Variants in SLC35H1 observed in about 807,000 individuals in gnomAD.
SLC35H1 encodes solute carrier family 35 member H1, also known as ovarian cancer-overexpressed gene 1 protein.
chr20:46,363,385 T>G, the SLC35H1 span, among the ~76,000 whole-genome samples: 1 of 152,222 alleles, frequency 6.6e-6, no homozygotes, highest in Non-Finnish European at 1.5e-5. Context: ...AACTGCCTAT[T>G]TGGTAGCTGC....
the SLC35H1 span, chr20:46,357,682 C>T: frequency 1.2e-6 from 2 of 1,614,186 alleles, no homozygotes; most frequent in South Asian, 1.1e-5. Flanking sequence ...GGCCCTGTGG[C>T]TGGAGCACTG....
At chr20:46,355,965 A>AAT in the SLC35H1 span, 1 of 1,578,902 alleles carries the variant, frequency 6.3e-7, no homozygotes, top group Non-Finnish European at 8.6e-7. This position sits in a 1 kb window ranked among gnomAD's most constrained non-coding sequence, Gnocchi z 4.8. Context: ...CACTGAGCGA[A>AAT]ATGACCAAAC....
chr20:46,355,303 A>C, the SLC35H1 span: 1 of 1,528,940 alleles, frequency 6.5e-7, no homozygotes, highest in South Asian at 1.2e-5. This position sits in a 1 kb window ranked among gnomAD's most constrained non-coding sequence, Gnocchi z 4.8. Flanking sequence ...GGTTCATCAC[A>C]TTTGGAGCCT....
the SLC35H1 span, chr20:46,348,778 G>C: frequency 6.6e-6 from 1 of 152,240 alleles, no homozygotes; most frequent in East Asian, 1.9e-4. Flanking sequence ...GTAAACTTCA[G>C]CCAGCAAGCT....
chr20:46,352,490 T>C, the SLC35H1 span: 1 of 414,588 alleles, frequency 2.4e-6, no homozygotes, highest in Non-Finnish European at 4.4e-6. Flanking sequence ...ATGCGGATCC[T>C]AGCGGGATGA....
chr20:46,358,361 C>T, the SLC35H1 span: 1 of 1,606,480 alleles, frequency 6.2e-7, no homozygotes, highest in East Asian at 2.2e-5. Flanking sequence ...ATCCCAGCAC[C>T]CCGCCCCAGC....
chr20:46,350,660 A>G, the SLC35H1 span: 2 of 1,437,976 alleles, frequency 1.4e-6, no homozygotes, highest in Non-Finnish European at 1.9e-6. Flanking sequence ...TAGAGGAGTG[A>G]CGGCAGCAGA....
chr20:46,359,533 G>A, the SLC35H1 span, among the ~76,000 whole-genome samples: 4 of 152,268 alleles, frequency 2.6e-5, no homozygotes, highest in African/African-American at 9.6e-5. Flanking sequence ...AATGGAGAAG[G>A]AAACCAACAC....
chr20:46,351,151 G>C, the SLC35H1 span, among the ~76,000 whole-genome samples: 1 of 152,368 alleles, frequency 6.6e-6, no homozygotes, highest in South Asian at 2.1e-4. Flanking sequence ...CCAGATCCCA[G>C]GCTGGGGACC....
chr20:46,358,449 G>A, the SLC35H1 span: 1 of 1,614,208 alleles, frequency 6.2e-7, no homozygotes, highest in Non-Finnish European at 8.5e-7. Context: ...AGAAGCACCA[G>A]CCCCAGGGTC....
At chr20:46,357,697 A>T in the SLC35H1 span, 8 of 1,614,134 alleles carry the variant, frequency 5.0e-6, no homozygotes, top group Non-Finnish European at 6.8e-6. Context: ...GCACTGAACC[A>T]GCGCCCTGGA....
At chr20:46,350,232 G>T in the SLC35H1 span, 1 of 785,738 alleles carries the variant, frequency 1.3e-6, no homozygotes, top group Non-Finnish European at 1.9e-6. Context: ...ACCAGGCTCT[G>T]AAGGGAGGGG....
chr20:46,346,061 C>T, the SLC35H1 span: 1 of 152,158 alleles, frequency 6.6e-6, no homozygotes, highest in Non-Finnish European at 1.5e-5. Context: ...GTAGACTGTC[C>T]AGAAACACTG....
the SLC35H1 span, among the ~76,000 whole-genome samples, chr20:46,351,580 C>A: frequency 1.3e-5 from 2 of 152,236 alleles, no homozygotes; most frequent in African/African-American, 4.8e-5. Flanking sequence ...GCAAGGCTGG[C>A]CACAGGGGTG....
At chr20:46,356,020 G>A in the SLC35H1 span, 2 of 1,221,098 alleles carry the variant, frequency 1.6e-6, no homozygotes. Context: ...TTAATCAGAA[G>A]GAATCTCTGA....
At chr20:46,356,617 C>T in the SLC35H1 span, 9 of 1,613,884 alleles carry the variant, frequency 5.6e-6, no homozygotes, top group Admixed American at 3.3e-5. Flanking sequence ...GACAAGCCCA[C>T]GTCAAGCGCC....
At chr20:46,359,708 G>A in the SLC35H1 span, among the ~76,000 whole-genome samples, 1 of 152,204 alleles carries the variant, frequency 6.6e-6, no homozygotes, top group Non-Finnish European at 1.5e-5. Flanking sequence ...GTGCCTGGAG[G>A]AGCCTCAGGT....
At chr20:46,348,681 C>T in the SLC35H1 span, 3 of 152,188 alleles carry the variant, frequency 2.0e-5, no homozygotes, top group East Asian at 1.9e-4. Context: ...CTGAGGGCCT[C>T]GGGCTAGTCA....
the SLC35H1 span, among the ~76,000 whole-genome samples, chr20:46,351,076 C>T: frequency 6.6e-6 from 1 of 152,200 alleles, no homozygotes; most frequent in Non-Finnish European, 1.5e-5. Context: ...CCGCCAGCCT[C>T]CTTTTGTGAG....
Sources: gnomAD v4.1 joint callset for allele counts (sites outside exome capture counted in the v4.1 genomes callset) on GRCh38, gnomAD v4.1.1 for gene constraint, Gnocchi (gnomAD v3.1) non-coding constraint, MANE v1.5 for transcripts, NCBI Gene and HGNC (gene_info 2026-07-23, HGNC 2026-07-21) for gene names.